CPEB3: variants seen among roughly 807,000 people sequenced by gnomAD.
The protein encoded by CPEB3 is cytoplasmic polyadenylation element binding protein 3.
CPEB3 carries 20 observed loss-of-function variants against 67.2 expected under a neutral mutation model. The observed-to-expected ratio is 0.30, with a 90% confidence interval of 0.21 to 0.43. CPEB3 has a LOEUF of 0.43. Ranked by LOEUF, CPEB3 falls within the 20% of genes least tolerant of loss-of-function variation. The pLI is 1.00. For synonymous variants in CPEB3, 376 were observed against 393.1 expected (o/e 0.96, Z 0.51); for missense variants, 746 against 968.6 (o/e 0.77, Z 3.05).
At chr10:92,104,379 CT>C (rs397845791) in intron 7 of CPEB3, among the ~76,000 whole-genome samples, 3,861 of 127,156 alleles carry the variant, frequency 0.03, 116 homozygotes, top group African/African-American at 0.098. Flanking sequence ...GGAAATGCAA[CT>C]TTTTTTTTTT....
chr10:92,274,891 T>C (rs1474554412), intron 1 of CPEB3, among the ~76,000 whole-genome samples: 1 of 152,182 alleles, frequency 6.6e-6, no homozygotes, highest in Non-Finnish European at 1.5e-5. Flanking sequence ...TAAGGTATAC[T>C]GTCCTCATTT....
chr10:92,224,944 T>A (rs949216943), intron 2 of CPEB3, among the ~76,000 whole-genome samples: 4 of 148,130 alleles, frequency 2.7e-5, no homozygotes, highest in Non-Finnish European at 6.0e-5. Context: ...TATATAAATT[T>A]AAAAAAATGA....
chr10:92,289,148 C>A (rs927116365), intron 1 of CPEB3, among the ~76,000 whole-genome samples: 1 of 152,106 alleles, frequency 6.6e-6, no homozygotes, highest in Non-Finnish European at 1.5e-5. Flanking sequence ...GAGGCTGAGG[C>A]ACGATAATCA....
intron 9 of CPEB3, among the ~76,000 whole-genome samples, 183 bp downstream of exon 9, chr10:92,081,137 A>G (rs1194641181): frequency 2.0e-5 from 3 of 152,152 alleles, no homozygotes; most frequent in African/African-American, 7.2e-5. Context: ...GAGGCAGAAG[A>G]TTCCTTAATG....
rs1284263796 is a variant in CPEB3 at position 92,111,199 on chromosome 10, G to C, written c.1454-5C>G. 6.3e-6 allele frequency: 10 copies of C among 1,581,256 alleles called. No individual in the cohort carries two copies. The highest frequency in any genetic ancestry group is 8.7e-6 in the Non-Finnish European group (10 of 1,150,326). ...GGAACAGCAGAAAGGCATAGCCTTGGGGAGAGCAAAAACAAAAGGGTAGAG... is the reference window on the plus strand; with the variant it reads ...GGAACAGCAGAAAGGCATAGCCTTGCGGAGAGCAAAAACAAAAGGGTAGAG... On this transcript the variant is annotated splice_polypyrimidine_tract_variant and splice_region_variant and intron_variant, in intron 6 of 9. Coordinates refer to ENST00000265997, the MANE Select transcript of CPEB3 (RefSeq NM_014912.5).
chr10:92,175,238 C>A (rs1261175635), intron 4 of CPEB3, among the ~76,000 whole-genome samples: 9 of 150,780 alleles, frequency 6.0e-5, no homozygotes, highest in Non-Finnish European at 1.2e-4. Context: ...ACAGGATCAT[C>A]TAGTATGTAT....
chr10:92,153,016 T>C (rs998310166), intron 4 of CPEB3, among the ~76,000 whole-genome samples: 4 of 152,220 alleles, frequency 2.6e-5, no homozygotes, highest in Non-Finnish European at 5.9e-5. Flanking sequence ...AAACTAGTCA[T>C]CTTCCCCTCA....
chr10:92,052,030 T>C lies in CPEB3; in HGVS notation c.*182A>G, dbSNP rs1841911606. The C allele has an allele frequency of 5.2e-6, 3 of 572,562 alleles. No individual in the cohort carries two copies. The South Asian group carries it at 6.6e-5, about 13-fold the overall frequency. 35.5% of individuals were successfully genotyped at this position (572,562 alleles called of 1,614,324 possible). A position where few individuals can be genotyped will look rare whatever the true frequency, so the allele number is the denominator to read the frequency against. ...TACACTCTGCAATTCTGCATTATAC[T>C]GGACACTGAGTTCAGTAATATGACT... On this transcript the variant is annotated 3_prime_UTR_variant, in exon 10 of 10. Coordinates refer to ENST00000265997, the MANE Select transcript of CPEB3 (RefSeq NM_014912.5).
At chr10:92,167,483 A>T (rs577949566) in intron 4 of CPEB3, among the ~76,000 whole-genome samples, 1 of 152,346 alleles carries the variant, frequency 6.6e-6, no homozygotes, top group South Asian at 2.1e-4. Context: ...TGTCTCAGAA[A>T]ATGGGAAGGC....
intron 1 of CPEB3, among the ~76,000 whole-genome samples, chr10:92,270,559 CTTTT>C (rs571582158): frequency 4.8e-5 from 6 of 124,856 alleles, no homozygotes; most frequent in Admixed American, 2.6e-4. Context: ...TTTTATATTA[CTTTT>C]TTTTTTTTTT....
chr10:92,137,382 G>A (rs750870402), intron 6 of CPEB3: 3 of 1,106,684 alleles, frequency 2.7e-6, no homozygotes, highest in East Asian at 5.1e-5. Flanking sequence ...AATACATCAA[G>A]ATGTTTGTAC....
chr10:92,084,367 T>C (rs1201313852), intron 8 of CPEB3, among the ~76,000 whole-genome samples: 1 of 151,998 alleles, frequency 6.6e-6, no homozygotes, highest in Non-Finnish European at 1.5e-5. Flanking sequence ...CAATTATAAA[T>C]AAATAATTTC....
Position 92,220,579 on chromosome 10 carries a change from T to TAA in CPEB3, c.1005+18765_1005+18766dup, listed in dbSNP as rs540480746. On this transcript the variant is annotated intron_variant, in intron 2 of 9. Coordinates refer to ENST00000265997, the MANE Select transcript of CPEB3 (RefSeq NM_014912.5). ...AAACCTACACCTTAAACTGCCATGT[T>TAA]AAAAAAAAAAAAAAACCTCCTTCCA... Among the ~76,000 whole-genome samples, 948 of 134,398 alleles carry TAA rather than the reference T, an allele frequency of 7.1e-3. 6 individuals carry two copies. The highest frequency in any genetic ancestry group is 0.02 in the African/African-American group (728 of 36,356). The allele number at this position is 134,398 out of a possible 152,430, so 88.2% of individuals were successfully genotyped here. A position where few individuals can be genotyped will look rare whatever the true frequency, so the allele number is the denominator to read the frequency against.
intron 1 of CPEB3, among the ~76,000 whole-genome samples, chr10:92,248,900 T>C (rs1037426389): frequency 6.6e-6 from 1 of 152,222 alleles, no homozygotes; most frequent in Non-Finnish European, 1.5e-5. Flanking sequence ...CAGTCATGCA[T>C]AGCATTAACA....
rs556770408 is a variant in CPEB3 at position 92,229,445 on chromosome 10, T to C, written c.1005+9901A>G. Among the ~76,000 whole-genome samples, 7 of 152,220 alleles carry C rather than the reference T, an allele frequency of 4.6e-5. No individual in the cohort carries two copies. In the South Asian group the frequency reaches 1.5e-3, roughly 32 times the overall value. On this transcript the variant is annotated intron_variant, in intron 2 of 9. Transcript: ENST00000265997. Reference sequence around the variant, plus strand: ...AGTCAGAAACAAACCAAATCACCATTAACAAGATAAATTAACTCCAAAAGA... The same window carrying C: ...AGTCAGAAACAAACCAAATCACCATCAACAAGATAAATTAACTCCAAAAGA...
chr10:92,118,181 G>T (rs778360669), intron 6 of CPEB3, among the ~76,000 whole-genome samples: 56 of 152,172 alleles, frequency 3.7e-4, no homozygotes, highest in Non-Finnish European at 5.4e-4. Flanking sequence ...GCCCAGGCTG[G>T]AGTGCAATGG....
chr10:92,228,590 A>G (rs1851100301), intron 2 of CPEB3, among the ~76,000 whole-genome samples: 2 of 152,042 alleles, frequency 1.3e-5, no homozygotes, highest in Non-Finnish European at 2.9e-5. Context: ...ACCCTACCGC[A>G]TCTTTAAGGT....
At chr10:92,217,092 G>T (rs1391551677) in intron 2 of CPEB3, among the ~76,000 whole-genome samples, 4 of 139,742 alleles carry the variant, frequency 2.9e-5, no homozygotes, top group Non-Finnish European at 4.6e-5. Flanking sequence ...CCTGTAGTCC[G>T]AGCTATTCGG....
In CPEB3 at chr10:92,181,028, T is replaced by A. The variant is rs758694732; in HGVS notation, c.1166-9A>T. 6.9e-7 allele frequency: 1 copy of A among 1,445,362 alleles called. No individual in the cohort carries two copies. Among genetic ancestry groups the A allele is most frequent in the East Asian group, 2.3e-5 (1 of 43,940 alleles). 89.5% of individuals were successfully genotyped at this position (1,445,362 alleles called of 1,614,324 possible). On this transcript the variant is annotated splice_polypyrimidine_tract_variant and intron_variant, in intron 3 of 9. Coordinates refer to ENST00000265997, the MANE Select transcript of CPEB3 (RefSeq NM_014912.5). Reference sequence around the variant, plus strand: ...ATTTATCCCCATGCGTCCTAAAAAATAAAATAATTTTAAGCAAAAAGAATG... The same window carrying A: ...ATTTATCCCCATGCGTCCTAAAAAAAAAAATAATTTTAAGCAAAAAGAATG...
Sources: allele counts gnomAD v4.1 joint callset (sites outside exome capture counted in the v4.1 genomes callset), GRCh38; gene constraint gnomAD v4.1.1; transcripts MANE v1.5; gene names NCBI Gene and HGNC (gene_info 2026-07-23, HGNC 2026-07-21).